DAPK1: variants seen among roughly 807,000 people sequenced by gnomAD.
The protein encoded by DAPK1 is death-associated protein kinase 1.
A neutral mutation model predicts 144.9 loss-of-function variants in DAPK1; 56 were observed. The observed-to-expected ratio is 0.39, with a 90% CI of 0.31 to 0.48. The LOEUF is 0.48. Among genes scored for constraint, DAPK1 ranks in the 20% least tolerant of loss-of-function variants. The pLI is 0.95. For missense variants in DAPK1, 1,454 were observed against 1,875.4 expected (o/e 0.78, Z 4.15); for synonymous variants, 690 against 749.0 (o/e 0.92, Z 1.29).
chr9:87,508,365 C>T (rs1356467576), intron 2 of DAPK1, among the ~76,000 whole-genome samples: 5 of 143,392 alleles, frequency 3.5e-5, no homozygotes, highest in African/African-American at 8.0e-5. Context: ...TTTTTTTAAA[C>T]GGAGTCTTGC....
At chr9:87,604,789 T>A (rs949523094) in intron 2 of DAPK1, among the ~76,000 whole-genome samples, 165 bp from the exon 3 acceptor site, 3 of 152,208 alleles carry the variant, frequency 2.0e-5, no homozygotes, top group Non-Finnish European at 4.4e-5. Context: ...ACAGGCTTAG[T>A]GTAAATGAAT....
intron 3 of DAPK1, among the ~76,000 whole-genome samples, chr9:87,606,692 C>CTCCTTCCT (rs147541170): frequency 1.2e-5 from 1 of 84,762 alleles, no homozygotes; most frequent in African/African-American, 5.0e-5. Flanking sequence ...CCCTCCCTCT[C>CTCCTTCCT]TCCTTCCTTC....
chr9:87,618,460 CCACATGAAAACTTA>C lies in DAPK1; in HGVS notation c.284+13295_284+13308del, dbSNP rs112489205. Among the ~76,000 whole-genome samples, 89 of 152,302 alleles carry C rather than the reference CCACATGAAAACTTA, an allele frequency of 5.8e-4. 1 individual carries two copies. The highest frequency in any genetic ancestry group is 2.1e-3 in the African/African-American group (88 of 41,570). On this transcript the variant is annotated intron_variant, in intron 3 of 25. Coordinates refer to ENST00000408954, the MANE Select transcript of DAPK1 (RefSeq NM_004938.4). ...ACCCAAGAGACATGAAAATATATTT[CCACATGAAAACTTA>C]CACATGAAAGTGGTAGAAGTATTAT... is the stretch of plus-strand genomic sequence containing the variant.
intron 2 of DAPK1, among the ~76,000 whole-genome samples, chr9:87,514,723 G>C (rs1253085610): frequency 6.6e-6 from 1 of 152,232 alleles, no homozygotes; most frequent in East Asian, 1.9e-4. Context: ...AGACAATTAA[G>C]TTGGAGAGAA....
chr9:87,630,347 C>T (rs1301996212), intron 3 of DAPK1, among the ~76,000 whole-genome samples: 1 of 152,138 alleles, frequency 6.6e-6, no homozygotes, highest in Non-Finnish European at 1.5e-5. Flanking sequence ...AGAAGACAAC[C>T]ACAAAATCTG....
intron 3 of DAPK1, among the ~76,000 whole-genome samples, chr9:87,611,093 C>T (rs1256275810): frequency 6.6e-6 from 1 of 152,190 alleles, no homozygotes; most frequent in Non-Finnish European, 1.5e-5. Flanking sequence ...GGAGAAGTAA[C>T]ATGAGAAAGA....
intron 22 of DAPK1, chr9:87,698,426 A>C (rs1008963556): frequency 1.3e-5 from 6 of 444,532 alleles, no homozygotes; most frequent in Admixed American, 1.2e-4. Context: ...GTCCACTTTG[A>C]GCAATTTTCC....
intron 17 of DAPK1, 80 bp downstream of exon 17, chr9:87,651,804 C>A: frequency 1.6e-6 from 2 of 1,256,688 alleles, no homozygotes; most frequent in Middle Eastern, 2.1e-4. Flanking sequence ...TGTGTCCTCT[C>A]ACCTGATCCC....
At chr9:87,514,298 G>A (rs897609826) in intron 2 of DAPK1, among the ~76,000 whole-genome samples, 2 of 152,158 alleles carry the variant, frequency 1.3e-5, no homozygotes, top group Non-Finnish European at 2.9e-5. Context: ...TGAGGTCTAG[G>A]GCAGTTGCTG....
intron 3 of DAPK1, among the ~76,000 whole-genome samples, chr9:87,637,335 G>A (rs778734433): frequency 4.6e-5 from 7 of 151,890 alleles, no homozygotes; most frequent in Non-Finnish European, 7.4e-5. Context: ...CTTGTGATCC[G>A]CCCGCCTCAG....
chr9:87,513,472 T>C (rs946870837), intron 2 of DAPK1, among the ~76,000 whole-genome samples: 1 of 152,188 alleles, frequency 6.6e-6, no homozygotes, highest in Non-Finnish European at 1.5e-5. Flanking sequence ...AGTGTGGGTA[T>C]GTATGTATGT....
chr9:87,646,063 T>C, intron 12 of DAPK1, 49 bp downstream of exon 12: 1 of 1,589,578 alleles, frequency 6.3e-7, no homozygotes, highest in Non-Finnish European at 8.6e-7. Flanking sequence ...ACAGCGACCT[T>C]GCCCTTCCAT....
chr9:87,598,131 C>A (rs11789041), intron 2 of DAPK1, among the ~76,000 whole-genome samples: 13,836 of 152,210 alleles, frequency 0.091, 670 homozygotes, highest in South Asian at 0.15. Flanking sequence ...TACCTACAAC[C>A]TGTAATTCTA....
intron 20 of DAPK1, among the ~76,000 whole-genome samples, chr9:87,682,356 T>C (rs1347861872): frequency 2.6e-5 from 4 of 152,230 alleles, no homozygotes; most frequent in Admixed American, 6.5e-5. Context: ...AATCCTCCTT[T>C]AGACAGAGCG....
At chr9:87,641,907 G>C (rs1162631153) in intron 9 of DAPK1, 62 bp from the exon 10 acceptor site, 13 of 1,359,858 alleles carry the variant, frequency 9.6e-6, no homozygotes, top group Non-Finnish European at 1.2e-5. Flanking sequence ...TCAAAAAATT[G>C]TCATATAACA....
At position 87,613,149 on chromosome 9, in the gene DAPK1, G is replaced by A. The variant is rs893751946; in HGVS notation, c.284+7974G>A. On this transcript the variant is annotated intron_variant, in intron 3 of 25. Coordinates refer to ENST00000408954, the MANE Select transcript of DAPK1 (RefSeq NM_004938.4). ...TCTGCTATGGTTGTAGCCAAGTGCA[G>A]GGCGTGGAGTGAATAATGCATTTTT... 6.6e-5 allele frequency among the ~76,000 whole-genome samples: 10 copies of A among 152,300 alleles called. 1 individual carries two copies. In the East Asian group the frequency reaches 1.9e-3, roughly 29 times the overall value.
At chr9:87,658,346 G>T (rs938799522) in intron 18 of DAPK1, among the ~76,000 whole-genome samples, 1 of 152,216 alleles carries the variant, frequency 6.6e-6, no homozygotes, top group Non-Finnish European at 1.5e-5. Context: ...ACCACACCCT[G>T]CTCTGCCAGG....
chr9:87,508,468 G>C (rs940189467), intron 2 of DAPK1, among the ~76,000 whole-genome samples: 9 of 151,252 alleles, frequency 6.0e-5, no homozygotes, highest in Admixed American at 5.9e-4. Flanking sequence ...TCAGCCTCCC[G>C]AGTAGCTGGG....
intron 3 of DAPK1, among the ~76,000 whole-genome samples, chr9:87,635,454 G>A (rs945497974): frequency 6.6e-6 from 1 of 152,144 alleles, no homozygotes; most frequent in Admixed American, 6.5e-5. Flanking sequence ...CGGCGGCTGG[G>A]CACCACATTC....
Sources: gnomAD v4.1 joint callset for allele counts (sites outside exome capture counted in the v4.1 genomes callset) on GRCh38, gnomAD v4.1.1 for gene constraint, MANE v1.5 for transcripts, NCBI Gene and HGNC (gene_info 2026-07-23, HGNC 2026-07-21) for gene names.